DOCK8: variants seen among roughly 807,000 people sequenced by gnomAD.
DOCK8 encodes dedicator of cytokinesis protein 8.
In DOCK8, 141 loss-of-function variants were observed where a neutral mutation model predicts 245.6. The observed-to-expected ratio is 0.57, with a 90% CI of 0.50 to 0.66. The LOEUF (loss-of-function observed/expected upper bound fraction) is 0.66, where lower values mean the gene tolerates loss of function less well. Ranked by LOEUF, DOCK8 falls within the 30% of genes least tolerant of loss-of-function variation. The pLI is 0.00. For missense variants in DOCK8, 2,965 were observed against 2,603.4 expected (o/e 1.14, Z -3.02); for synonymous variants, 1,168 against 970.2 (o/e 1.20, Z -3.79).
chr9:333,312 A>C (rs949876216), intron 10 of DOCK8, among the ~76,000 whole-genome samples: 28 of 152,244 alleles, frequency 1.8e-4, no homozygotes, highest in African/African-American at 6.3e-4. Flanking sequence ...TTTTTAAAAC[A>C]TGGCCTTGGC....
At chr9:313,761 T>TCA (rs569447957) in intron 6 of DOCK8, among the ~76,000 whole-genome samples, 9 of 152,270 alleles carry the variant, frequency 5.9e-5, no homozygotes, top group African/African-American at 2.2e-4. Flanking sequence ...AATGTTCTCA[T>TCA]CACACACACA....
In DOCK8 at chr9:432,209, C is replaced by T; in HGVS notation, c.4670C>T (p.Ser1557Phe). ...ATGCAAGTAACCATGTCCCTGGCAT[C>T]TTTGGTGGGAAGAGCACCAGACTTT... ...VKMQVTMSLA[S>F]LVGRAPDFNE... The change falls in exon 37 of 48, where the codon TCT (serine) becomes TTT (phenylalanine). Residue 1557 changes from serine (S) to phenylalanine (F), a missense_variant. Coordinates refer to ENST00000432829, the MANE Select transcript of DOCK8 (RefSeq NM_203447.4). The T allele has an allele frequency of 1.2e-6, 2 of 1,612,754 alleles. No individual in the cohort carries two copies. The highest frequency in any genetic ancestry group is 1.7e-6 in the Non-Finnish European group (2 of 1,179,822).
At chr9:382,375 AT>A (rs2053756318) in intron 21 of DOCK8, 137 bp from the exon 22 acceptor site, 2 of 1,214,322 alleles carry the variant, frequency 1.6e-6, no homozygotes, top group Non-Finnish European at 2.4e-6. Flanking sequence ...CCCAACCAGG[AT>A]TTGTTAAGAA....
intron 23 of DOCK8, among the ~76,000 whole-genome samples, chr9:387,397 C>T (rs561031357): frequency 8.7e-5 from 13 of 149,868 alleles, no homozygotes; most frequent in Admixed American, 2.7e-4. Context: ...GAGCTGAGAT[C>T]GTGCCACTGC....
chr9:317,029 G>C lies in DOCK8; in HGVS notation c.742-14G>C, dbSNP rs764400614. 2 of 1,602,116 alleles carry C rather than the reference G, an allele frequency of 1.2e-6. No homozygotes were observed. The highest frequency in any genetic ancestry group is 8.6e-7 in the Non-Finnish European group (1 of 1,169,156). ...AATTCACTAATGATTTCCTTACGAT[G>C]TGATTAAAAATAGGAGGATGCTGTG... On this transcript the variant is annotated splice_polypyrimidine_tract_variant and intron_variant, in intron 6 of 47. Coordinates refer to ENST00000432829, the MANE Select transcript of DOCK8 (RefSeq NM_203447.4).
chr9:248,447 C>CTCCT (rs780888639), intron 1 of DOCK8, among the ~76,000 whole-genome samples: 5 of 146,976 alleles, frequency 3.4e-5, no homozygotes, highest in African/African-American at 7.9e-5. Context: ...TGTCTTTCCC[C>CTCCT]TCCTTCCTTC....
intron 35 of DOCK8, among the ~76,000 whole-genome samples, chr9:428,906 C>T (rs568237589): frequency 5.9e-5 from 9 of 152,360 alleles, no homozygotes; most frequent in Non-Finnish European, 1.3e-4. Flanking sequence ...AAATGAATTT[C>T]TCACGGCCTG....
At chr9:462,768 G>A (rs571614210) in intron 46 of DOCK8, among the ~76,000 whole-genome samples, 1 of 152,306 alleles carries the variant, frequency 6.6e-6, no homozygotes, top group African/African-American at 2.4e-5. Flanking sequence ...TACGTAGCAG[G>A]AGGAGGCTGA....
intron 15 of DOCK8, 43 bp from the exon 16 acceptor site, chr9:370,187 C>G: frequency 6.6e-7 from 1 of 1,521,520 alleles, no homozygotes; most frequent in Non-Finnish European, 9.1e-7. Context: ...TTGATGTACC[C>G]AAATGTTACT....
intron 6 of DOCK8, among the ~76,000 whole-genome samples, chr9:316,613 T>G (rs1378865206): frequency 6.6e-6 from 1 of 152,202 alleles, no homozygotes; most frequent in Non-Finnish European, 1.5e-5. Context: ...AGTGAACCAT[T>G]CTGACTCAGA....
Position 451,937 on chromosome 9 carries a change from A to T in DOCK8, c.5962-74A>T, listed in dbSNP as rs190301394. ...CATATACATATATATGTATGTGTAT[A>T]TATATATGTGTGTGTGTGTATATAT... On this transcript the variant is annotated intron_variant, in intron 45 of 47. Coordinates refer to ENST00000432829, the MANE Select transcript of DOCK8 (RefSeq NM_203447.4). The T allele has an allele frequency of 2.9e-3, 871 of 302,098 alleles. 12 individuals carry two copies. Among genetic ancestry groups the T allele is most frequent in the African/African-American group, 0.024 (804 of 32,962 alleles). The allele number at this position is 302,098 out of a possible 1,614,324, so 18.7% of individuals were successfully genotyped here. A position where few individuals can be genotyped will look rare whatever the true frequency, so the allele number is the denominator to read the frequency against.
intron 4 of DOCK8, among the ~76,000 whole-genome samples, chr9:302,259 T>A (rs901038424): frequency 6.6e-6 from 1 of 152,242 alleles, no homozygotes; most frequent in African/African-American, 2.4e-5. Flanking sequence ...AAGGTCTCCC[T>A]ATTCAATAAA....
rs757862647 is a variant in DOCK8 at position 399,287 on chromosome 9, G to A, written c.3234+28G>A. The A allele has an allele frequency of 2.7e-5, 31 of 1,163,918 alleles. 1 individual carries two copies. Among genetic ancestry groups the A allele is most frequent in the African/African-American group, 1.6e-4 (6 of 38,586 alleles). The allele number at this position is 1,163,918 out of a possible 1,614,324, so 72.1% of individuals were successfully genotyped here. On this transcript the variant is annotated intron_variant, in intron 26 of 47. Coordinates refer to ENST00000432829, the MANE Select transcript of DOCK8 (RefSeq NM_203447.4). ...GAGTGTCCCCCCCACCCCCACCCCCGAGCGAGCCACTTGGTTCCTTCTCAT... is the reference window on the plus strand; with the variant it reads ...GAGTGTCCCCCCCACCCCCACCCCCAAGCGAGCCACTTGGTTCCTTCTCAT...
intron 37 of DOCK8, 39 bp from the exon 38 acceptor site, chr9:433,836 A>G: frequency 6.5e-7 from 1 of 1,530,510 alleles, no homozygotes; most frequent in Non-Finnish European, 9.1e-7. Flanking sequence ...ACCTGGGACT[A>G]CAAAGCTAAG....
At chr9:393,827 A>G (rs1234464625) in intron 24 of DOCK8, among the ~76,000 whole-genome samples, 1 of 152,166 alleles carries the variant, frequency 6.6e-6, no homozygotes, top group Admixed American at 6.5e-5. Flanking sequence ...CCGTTGCCCA[A>G]AAGGGTTAAC....
At chr9:342,617 C>G (rs2051664840) in intron 14 of DOCK8, among the ~76,000 whole-genome samples, 1 of 151,994 alleles carries the variant, frequency 6.6e-6, no homozygotes, top group South Asian at 2.1e-4. Context: ...CTACAGGTGC[C>G]TGCCACCACA....
At chr9:266,182 G>C (rs543432922) in intron 1 of DOCK8, among the ~76,000 whole-genome samples, 10 of 152,130 alleles carry the variant, frequency 6.6e-5, no homozygotes, top group African/African-American at 2.4e-4. Flanking sequence ...AACATTCCTA[G>C]GCAGAATTAG....
At chr9:347,076 C>G (rs1035197428) in intron 14 of DOCK8, among the ~76,000 whole-genome samples, 2 of 152,066 alleles carry the variant, frequency 1.3e-5, no homozygotes, top group African/African-American at 4.8e-5. Context: ...CCTGAAGACT[C>G]CCATTCAGGT....
chr9:219,631 T>C (rs1279344583), intron 1 of DOCK8, among the ~76,000 whole-genome samples: 1 of 152,114 alleles, frequency 6.6e-6, no homozygotes. Flanking sequence ...GCATGGTGGC[T>C]CACACCTGTA....
Sources: allele counts gnomAD v4.1 joint callset (sites outside exome capture counted in the v4.1 genomes callset), GRCh38; gene constraint gnomAD v4.1.1; transcripts MANE v1.5; gene names NCBI Gene and HGNC (gene_info 2026-07-23, HGNC 2026-07-21).